The following WSB1 variants were observed in gnomAD, a reference collection of about 807,000 sequenced individuals.
WSB1 encodes WD repeat and SOCS box containing 1.
Under a neutral mutation model 50.2 loss-of-function variants are expected in WSB1, and 23 were observed. That is an observed-to-expected ratio of 0.46 (90% CI 0.33 to 0.65). WSB1 has a LOEUF of 0.65. WSB1 is among the 30% of genes least tolerant of loss of function. WSB1 has a pLI of 0.02. For synonymous variants in WSB1, 179 were observed against 172.0 expected, an observed-to-expected ratio of 1.04 and a Z score of -0.32; for missense variants, 492 against 522.3, an observed-to-expected ratio of 0.94 and a Z score of 0.56.
In WSB1 at chr17:27,312,296, T is replaced by C. The variant is rs1344923801; in HGVS notation, c.1193T>C (p.Val398Ala). 3 of 1,613,974 alleles carry C rather than the reference T, an allele frequency of 1.9e-6. No homozygotes were observed. The highest frequency in any genetic ancestry group is 2.7e-5 in the African/African-American group (2 of 74,908). Residue 398 changes from valine (V) to alanine (A), a missense_variant, in exon 9 of 9, where the codon GTG (valine) becomes GCG (alanine). Transcript: ENST00000262394. ...QHLCRMSIRR[V>A]MPTQEVQELP... ...TTATGTCGCATGTCAATCCGAAGAG[T>C]GATGCCCACCCAAGAAGTTCAGGAG... is the stretch of plus-strand genomic sequence containing the variant.
chr17:27,308,795 A>G (rs2150840982), intron 5 of WSB1: 1 of 1,009,046 alleles, frequency 9.9e-7, no homozygotes, highest in East Asian at 9.4e-5. Context: ...TTAGTTAATT[A>G]GTTTTTGGAA....
intron 3 of WSB1, 173 bp downstream of exon 3, chr17:27,303,808 T>C (rs2017334947): frequency 2.6e-6 from 2 of 776,360 alleles, no homozygotes; most frequent in Admixed American, 2.9e-5. Context: ...ATGATTTTAA[T>C]TTAGGAAAAC....
intron 5 of WSB1, chr17:27,307,487 A>G (rs2017508686): frequency 5.8e-6 from 3 of 521,264 alleles, no homozygotes; most frequent in Non-Finnish European, 6.8e-6. Flanking sequence ...AGTAGCTTCA[A>G]GTATTTATAA....
At chr17:27,295,423 A>G (rs781696585) in intron 1 of WSB1, among the ~76,000 whole-genome samples, 46 of 152,174 alleles carry the variant, frequency 3.0e-4, no homozygotes, top group Non-Finnish European at 4.9e-4. Flanking sequence ...ACTATTTTGT[A>G]TGTGGGTGAA....
chr17:27,306,726 T>C, intron 4 of WSB1, 56 bp from the exon 5 acceptor site: 1 of 1,547,374 alleles, frequency 6.5e-7, no homozygotes, highest in Non-Finnish European at 8.9e-7. Flanking sequence ...TGTTTTGAAA[T>C]ACTGCTCATT....
At chr17:27,308,427 GGTTA>G (rs906420044) in intron 5 of WSB1, 31 of 984,364 alleles carry the variant, frequency 3.1e-5, no homozygotes, top group Non-Finnish European at 3.7e-5. Context: ...TTATGATCGT[GGTTA>G]GTTTGGGAAA....
chr17:27,306,730 GCT>G, intron 4 of WSB1, 50 bp from the exon 5 acceptor site: 1 of 1,554,882 alleles, frequency 6.4e-7, no homozygotes. Flanking sequence ...TTGAAATACT[GCT>G]CATTTGAAGT....
rs549945167 is a variant in WSB1, at chr17:27,311,989, T to C, written c.1107-221T>C. Among the ~76,000 whole-genome samples the C allele has an allele frequency of 2.0e-3, 306 of 152,288 alleles. 2 individuals carry two copies. The highest frequency in any genetic ancestry group is 3.7e-3 in the Non-Finnish European group (251 of 68,014). On this transcript the variant is annotated intron_variant, in intron 8 of 8. Coordinates refer to ENST00000262394, the MANE Select transcript of WSB1 (RefSeq NM_015626.10). ...TTAAGGGCCAATTTAAGGGGGCTTT[T>C]AGCAGCTAGTAATTTATTGTCAGTA...
At position 27,309,125 on chromosome 17, in the gene WSB1, A is replaced by G. The variant is rs775236659; in HGVS notation, c.737A>G (p.Tyr246Cys). The G allele has an allele frequency of 3.7e-6, 6 of 1,609,338 alleles. No homozygotes were observed. Among genetic ancestry groups the G allele is most frequent in the Middle Eastern group, 1.6e-4 (1 of 6,064 alleles). ...KAVFLWNMDK[Y>C]TMIRKLEGHH... Reference sequence around the variant, plus strand: ...GTTTTCCTTTGGAATATGGATAAATACACCATGATACGGAAACTAGAAGGA... The same window carrying G: ...GTTTTCCTTTGGAATATGGATAAATGCACCATGATACGGAAACTAGAAGGA... The change falls in exon 6 of 9, where the codon TAC becomes TGC. Residue 246 changes from tyrosine to cysteine, a missense_variant. Physicochemically the swap from Tyr to Cys is radical, Grantham distance 194 (BLOSUM62 -2). Coordinates refer to ENST00000262394, the MANE Select transcript of WSB1 (RefSeq NM_015626.10).
chr17:27,308,859 T>A, intron 5 of WSB1: 1 of 1,122,766 alleles, frequency 8.9e-7, no homozygotes, highest in South Asian at 3.8e-5. Context: ...TTATTTTATG[T>A]TTAGGCTTAT....
intron 4 of WSB1, among the ~76,000 whole-genome samples, chr17:27,305,124 T>G (rs2017395039): frequency 6.6e-6 from 1 of 152,226 alleles, no homozygotes; most frequent in Non-Finnish European, 1.5e-5. Flanking sequence ...AAGTAAATGA[T>G]CTGATATTAT....
rs1351786652 is a variant in WSB1, at chr17:27,313,356, G to T, written c.*987G>T. 1.4e-5 allele frequency: 2 copies of T among 147,924 alleles called. No homozygotes were observed. Among genetic ancestry groups the T allele is most frequent in the Non-Finnish European group, 3.0e-5 (2 of 67,360 alleles). 9.2% of individuals were successfully genotyped at this position (147,924 alleles called of 1,614,324 possible). On this transcript the variant is annotated 3_prime_UTR_variant, in exon 9 of 9. Coordinates refer to ENST00000262394, the MANE Select transcript of WSB1 (RefSeq NM_015626.10). ...GTGGTATAAAGTATTATAAATTGTTGTGAATTTGAAGAATCCGTCTACTGT... is the reference window on the plus strand; with the variant it reads ...GTGGTATAAAGTATTATAAATTGTTTTGAATTTGAAGAATCCGTCTACTGT...
intron 5 of WSB1, chr17:27,307,148 G>A: frequency 4.7e-6 from 2 of 427,764 alleles, no homozygotes; most frequent in African/African-American, 2.0e-5. Context: ...AAAAGTTTAT[G>A]TGCTGTAGAA....
chr17:27,297,683 T>C (rs1433236459), intron 1 of WSB1, among the ~76,000 whole-genome samples: 1 of 152,158 alleles, frequency 6.6e-6, no homozygotes, highest in Non-Finnish European at 1.5e-5. Flanking sequence ...CTCAAACTCA[T>C]GGGCTCAAGT....
chr17:27,308,418 T>C (rs1009429331), intron 5 of WSB1: 1 of 984,618 alleles, frequency 1.0e-6, no homozygotes, highest in African/African-American at 1.7e-5. Context: ...TCAAATGACT[T>C]ATGATCGTGG....
chr17:27,312,405 A>AAT lies in WSB1; in HGVS notation c.*38_*39dup. ...CTTCCCTAGTAGTAGGGACTGACAG[A>AAT]ATACACTTAACACAAACCTCAAGCT... On this transcript the variant is annotated 3_prime_UTR_variant, in exon 9 of 9. Coordinates refer to ENST00000262394, the MANE Select transcript of WSB1 (RefSeq NM_015626.10). The AAT allele has an allele frequency of 6.2e-7, 1 of 1,603,798 alleles. No homozygotes were observed. The highest frequency in any genetic ancestry group is 1.3e-5 in the African/African-American group (1 of 74,152).
intron 4 of WSB1, among the ~76,000 whole-genome samples, chr17:27,305,540 A>G (rs565711249): frequency 1.3e-5 from 2 of 152,352 alleles, no homozygotes; most frequent in South Asian, 4.1e-4. Flanking sequence ...TCCCTAATGA[A>G]AGAGTTTATA....
chr17:27,306,092 A>G (rs2017440468), intron 4 of WSB1, among the ~76,000 whole-genome samples: 1 of 152,166 alleles, frequency 6.6e-6, no homozygotes. Flanking sequence ...TAGGTTCTCA[A>G]AAATGAAGAA....
At chr17:27,308,202 G>C in intron 5 of WSB1, 3 of 957,768 alleles carry the variant, frequency 3.1e-6, no homozygotes, top group Non-Finnish European at 3.6e-6. Context: ...TATTGTGTCT[G>C]TGCAGAAAAA....
Sources: allele counts gnomAD v4.1 joint callset (sites outside exome capture counted in the v4.1 genomes callset), GRCh38; gene constraint gnomAD v4.1.1; transcripts MANE v1.5; gene names NCBI Gene and HGNC (gene_info 2026-07-23, HGNC 2026-07-21).